CLASP1: variants seen among roughly 807,000 people sequenced by gnomAD.
CLASP1 encodes the protein cytoplasmic linker associated protein 1.
Under a neutral mutation model 192.3 loss-of-function variants are expected in CLASP1, and 38 were observed. The ratio of observed to expected loss-of-function variants is 0.20; its 90% CI spans 0.15 to 0.26. CLASP1 has a LOEUF of 0.26. Ranked by LOEUF, CLASP1 falls within the 10% of genes least tolerant of loss-of-function variation. The pLI is 1.00. For synonymous variants in CLASP1, 691 were observed against 712.8 expected (o/e 0.97, Z 0.49); for missense variants, 1,433 against 1,932.5 (o/e 0.74, Z 4.85).
rs2087509010 is a variant in CLASP1 at position 121,459,768 on chromosome 2, T to C, written c.1178+212A>G. 5 of 390,940 alleles carry C rather than the reference T, an allele frequency of 1.3e-5. No individual in the cohort carries two copies. In the Admixed American group the frequency reaches 2.2e-4, roughly 17 times the overall value. The allele number at this position is 390,940 out of a possible 1,614,324, so 24.2% of individuals were successfully genotyped here. On this transcript the variant is annotated intron_variant, in intron 12 of 39. Transcript: ENST00000263710. ...GTTTGAAATAAAGACTTCAGAGCTA[T>C]GTCACTGAATAAAATTTAAAATCTG... is the stretch of plus-strand genomic sequence containing the variant.
chr2:121,580,781 A>G (rs1235221148), intron 2 of CLASP1, among the ~76,000 whole-genome samples: 1 of 152,098 alleles, frequency 6.6e-6, no homozygotes, highest in Non-Finnish European at 1.5e-5. Context: ...TTTTTCTTGG[A>G]CACACAACGC....
chr2:121,644,927 C>T (rs1460426331), intron 1 of CLASP1, among the ~76,000 whole-genome samples: 1 of 146,092 alleles, frequency 6.8e-6, no homozygotes, highest in Non-Finnish European at 1.5e-5. Flanking sequence ...CACTGCACTC[C>T]AGCTTGATCA....
chr2:121,549,380 C>T (rs533195029), intron 2 of CLASP1, among the ~76,000 whole-genome samples: 22 of 152,134 alleles, frequency 1.4e-4, no homozygotes, highest in African/African-American at 2.9e-4. Flanking sequence ...TTCAACAAGA[C>T]GACCTAACTA....
intron 1 of CLASP1, among the ~76,000 whole-genome samples, chr2:121,607,743 G>A (rs969075474): frequency 3.9e-4 from 60 of 152,076 alleles, no homozygotes; most frequent in African/African-American, 1.4e-3. Context: ...ACATATCTTT[G>A]TTTTCTAAAT....
At chr2:121,453,400 C>G (rs1236072272) in intron 14 of CLASP1, among the ~76,000 whole-genome samples, 2 of 152,190 alleles carry the variant, frequency 1.3e-5, no homozygotes, top group Non-Finnish European at 2.9e-5. Flanking sequence ...AAGAGACAAA[C>G]AGTTACACTG....
chr2:121,529,428 A>G (rs2094688102), intron 3 of CLASP1, among the ~76,000 whole-genome samples: 3 of 152,258 alleles, frequency 2.0e-5, no homozygotes, highest in Admixed American at 2.0e-4. Context: ...AATGTCTAAA[A>G]GTAAAAGCTT....
chr2:121,503,378 A>G (rs2150253130), intron 7 of CLASP1, 144 bp from the exon 8 acceptor site: 1 of 596,354 alleles, frequency 1.7e-6, no homozygotes, highest in South Asian at 2.2e-5. Flanking sequence ...CAGTGACTCA[A>G]TCAATAACAT....
At chr2:121,394,114 T>A (rs2074866345) in intron 30 of CLASP1, among the ~76,000 whole-genome samples, 1 of 152,030 alleles carries the variant, frequency 6.6e-6, no homozygotes. Flanking sequence ...CTATATAACC[T>A]CTCCCACCCT....
At chr2:121,490,898 T>C (rs2093270125) in intron 8 of CLASP1, among the ~76,000 whole-genome samples, 1 of 152,208 alleles carries the variant, frequency 6.6e-6, no homozygotes, top group Non-Finnish European at 1.5e-5. Context: ...GAACCTAGAA[T>C]TGGCACCTGA....
chr2:121,561,605 A>C (rs2059093309), intron 2 of CLASP1, among the ~76,000 whole-genome samples: 1 of 152,250 alleles, frequency 6.6e-6, no homozygotes, highest in Non-Finnish European at 1.5e-5. Flanking sequence ...GCTTAAAAAA[A>C]AATTGCAAAA....
In CLASP1 at chr2:121,387,912, A is replaced by C; in HGVS notation, c.3124-6T>G. ...ATTAGCACAATCTGTGCTGCCTAGA[A>C]AAAGGAACCATGATTAATTTATGTA... On this transcript the variant is annotated splice_polypyrimidine_tract_variant and splice_region_variant and intron_variant, in intron 30 of 39. Transcript: ENST00000263710. The C allele has an allele frequency of 6.2e-7, 1 of 1,601,512 alleles. No individual in the cohort carries two copies. The highest frequency in any genetic ancestry group is 8.6e-7 in the Non-Finnish European group (1 of 1,169,242).
chr2:121,421,343 C>T (rs1225561060), intron 22 of CLASP1, among the ~76,000 whole-genome samples: 2 of 152,158 alleles, frequency 1.3e-5, no homozygotes, highest in Non-Finnish European at 2.9e-5. Flanking sequence ...GCAACCTCCG[C>T]CTCCTGGGTT....
chr2:121,585,444 A>G (rs993802035), intron 2 of CLASP1, among the ~76,000 whole-genome samples: 2 of 152,208 alleles, frequency 1.3e-5, no homozygotes, highest in Admixed American at 6.5e-5. Context: ...TTTAGAACAC[A>G]GCTCCACAGA....
chr2:121,528,710 C>T (rs1412638684), exon 4 of CLASP1: 1 of 1,613,934 alleles, frequency 6.2e-7, no homozygotes, highest in African/African-American at 1.3e-5. Context: ...TGATCTTTAG[C>T]AGCAGAGTTT....
intron 23 of CLASP1, among the ~76,000 whole-genome samples, chr2:121,416,815 G>A (rs758323261): frequency 6.6e-6 from 1 of 152,158 alleles, no homozygotes; most frequent in Non-Finnish European, 1.5e-5. Context: ...TTGAGAAAGT[G>A]GCTTATTCTG....
intron 37 of CLASP1, among the ~76,000 whole-genome samples, chr2:121,361,534 G>A (rs927303226): frequency 2.6e-5 from 4 of 152,120 alleles, no homozygotes; most frequent in Admixed American, 6.5e-5. Flanking sequence ...CGTGGCCCAG[G>A]ATGGTTTTGA....
chr2:121,516,060 C>G (rs187491518), intron 6 of CLASP1, among the ~76,000 whole-genome samples: 1 of 152,004 alleles, frequency 6.6e-6, no homozygotes, highest in Non-Finnish European at 1.5e-5. Flanking sequence ...ATTTTCAGAC[C>G]ATCTTTCCAA....
At chr2:121,573,937 A>C (rs902260630) in intron 2 of CLASP1, among the ~76,000 whole-genome samples, 1 of 152,222 alleles carries the variant, frequency 6.6e-6, no homozygotes, top group Non-Finnish European at 1.5e-5. Context: ...TAAGCTTTGC[A>C]GAGAGTAGAG....
chr2:121,409,993 A>G (rs975855885), intron 24 of CLASP1, among the ~76,000 whole-genome samples: 1 of 152,254 alleles, frequency 6.6e-6, no homozygotes, highest in African/African-American at 2.4e-5. Flanking sequence ...GAAAACTGGA[A>G]TCACCATAGC....
Sources: allele counts gnomAD v4.1 joint callset (sites outside exome capture counted in the v4.1 genomes callset), GRCh38; gene constraint gnomAD v4.1.1; transcripts MANE v1.5; gene names NCBI Gene and HGNC (gene_info 2026-07-23, HGNC 2026-07-21).